KCNU1: variants seen among roughly 807,000 people sequenced by gnomAD.
The protein encoded by KCNU1 is potassium calcium-activated channel subfamily U member 1.
In KCNU1, 93 loss-of-function variants were observed where a neutral mutation model predicts 126.8. The observed-to-expected ratio is 0.73, with a 90% CI of 0.62 to 0.87. The LOEUF (loss-of-function observed/expected upper bound fraction) is 0.87, where lower values mean the gene tolerates loss of function less well. Among genes scored for constraint, KCNU1 ranks in the 40% least tolerant of loss-of-function variants. The pLI, the probability that KCNU1 is intolerant of heterozygous loss-of-function variation, is 0.00. For missense variants in KCNU1, 1,330 were observed against 1,367.1 expected (o/e 0.97, Z 0.43); for synonymous variants, 523 against 494.2 (o/e 1.06, Z -0.77).
At chr8:36,789,782 A>C (rs1475724980) in intron 2 of KCNU1, among the ~76,000 whole-genome samples, 2 of 152,254 alleles carry the variant, frequency 1.3e-5, no homozygotes, top group African/African-American at 4.8e-5. Context: ...GATAACAAAG[A>C]ATAAAGCAAT....
chr8:36,799,053 C>T (rs753880833), intron 2 of KCNU1, among the ~76,000 whole-genome samples: 32 of 152,244 alleles, frequency 2.1e-4, no homozygotes, highest in East Asian at 1.7e-3. Flanking sequence ...CCCCAGGCAC[C>T]GGGGTGCAGA....
At chr8:36,830,526 C>CT (rs1275034785) in intron 10 of KCNU1, among the ~76,000 whole-genome samples, 1 of 151,756 alleles carries the variant, frequency 6.6e-6, no homozygotes, top group Non-Finnish European at 1.5e-5. Flanking sequence ...ATTATTTTGT[C>CT]TTTTTTAGTA....
At chr8:36,932,152 AG>A (rs1278891157) in intron 25 of KCNU1, among the ~76,000 whole-genome samples, 2 of 152,130 alleles carry the variant, frequency 1.3e-5, no homozygotes, top group Non-Finnish European at 2.9e-5. Context: ...TTAGCATTTC[AG>A]GTGTAAACCA....
At position 36,840,991 on chromosome 8, in the gene KCNU1, C is replaced by T. The variant is rs370118448; in HGVS notation, c.1691C>T (p.Thr564Met). 31 of 1,577,352 alleles carry T rather than the reference C, an allele frequency of 2.0e-5. No individual in the cohort carries two copies. Among genetic ancestry groups the T allele is most frequent in the South Asian group, 4.4e-5 (4 of 90,338 alleles). ...GCCATCGAATACAAGTCCCTCTTTA[C>T]GGATGGTTTCTGGTACCAATAAGTC... ...LIAIEYKSLF[T>M]DGFCGLILNP... Residue 564 changes from threonine (T) to methionine (M), a missense_variant, in exon 16 of 27, where the codon ACG (threonine) becomes ATG (methionine). This residue lies in a region of KCNU1 where 1,054 missense variants were observed against 1,053.9 expected (regional missense o/e 1.00). Transcript: ENST00000399881.
Position 36,845,918 on chromosome 8 carries a change from T to C in KCNU1, c.1891+19T>C. On this transcript the variant is annotated intron_variant, in intron 18 of 26. Transcript: ENST00000399881. ...ATCACAGGTAATTGCACTTTATTTC[T>C]GGCTGTCCTTAGCCCAGCCTCTAGG... The C allele has an allele frequency of 1.3e-6, 2 of 1,485,870 alleles. No homozygotes were observed. Among genetic ancestry groups the C allele is most frequent in the South Asian group, 1.2e-5 (1 of 84,646 alleles). 92.0% of individuals were successfully genotyped at this position (1,485,870 alleles called of 1,614,324 possible).
chr8:36,797,654 G>A (rs1298318054), intron 2 of KCNU1, among the ~76,000 whole-genome samples: 1 of 148,964 alleles, frequency 6.7e-6, no homozygotes, highest in Non-Finnish European at 1.5e-5. Context: ...TTTTAAAGAA[G>A]TGCCCATATT....
Position 36,872,205 on chromosome 8 carries a change from C to A in KCNU1, c.2009+7684C>A, listed in dbSNP as rs371917475. On this transcript the variant is annotated intron_variant, in intron 19 of 26. Coordinates refer to ENST00000399881, the MANE Select transcript of KCNU1 (RefSeq NM_001031836.3). ...CAAAAACAGAAGAATAAAATATTAA[C>A]CCTTCTGGGGCAGCTTCCCTTTCAT... Among the ~76,000 whole-genome samples the A allele has an allele frequency of 4.8e-4, 73 of 152,236 alleles. No individual in the cohort carries two copies. The East Asian group carries it at 7.9e-3, about 17-fold the overall frequency.
intron 24 of KCNU1, among the ~76,000 whole-genome samples, chr8:36,929,347 G>T (rs1244133313): frequency 1.4e-5 from 2 of 140,986 alleles, no homozygotes; most frequent in Non-Finnish European, 3.0e-5. Flanking sequence ...TTGTGCCACT[G>T]CACTCTAGCC....
intron 8 of KCNU1, among the ~76,000 whole-genome samples, chr8:36,814,592 T>A (rs909298682): frequency 1.3e-5 from 2 of 152,176 alleles, no homozygotes; most frequent in Non-Finnish European, 2.9e-5. Context: ...GGATGAAGGA[T>A]AGTAGGCAAA....
intron 19 of KCNU1, 22 bp downstream of exon 19, chr8:36,864,543 G>C (rs755546101): frequency 5.0e-6 from 7 of 1,390,630 alleles, no homozygotes; most frequent in East Asian, 2.3e-5. Context: ...AGAGAACCCT[G>C]GTCTCCTATA....
intron 18 of KCNU1, among the ~76,000 whole-genome samples, chr8:36,861,640 G>T (rs2117327858): frequency 6.6e-6 from 1 of 152,208 alleles, no homozygotes; most frequent in East Asian, 1.9e-4. Context: ...ACAATGAGTG[G>T]TAAAGTACTA....
intron 19 of KCNU1, among the ~76,000 whole-genome samples, chr8:36,885,591 G>C (rs968418965): frequency 2.6e-5 from 4 of 151,872 alleles, no homozygotes; most frequent in African/African-American, 4.8e-5. Context: ...TCAGGAGTTC[G>C]AGACCAGCCT....
At chr8:36,922,333 A>G (rs1238041110) in intron 23 of KCNU1, among the ~76,000 whole-genome samples, 157 bp from the exon 24 acceptor site, 3 of 152,180 alleles carry the variant, frequency 2.0e-5, no homozygotes, top group Non-Finnish European at 4.4e-5. Context: ...AAGGAAAGAA[A>G]AAAAAAATGT....
chr8:36,884,372 G>A (rs543891809), intron 19 of KCNU1, among the ~76,000 whole-genome samples: 2 of 152,260 alleles, frequency 1.3e-5, no homozygotes, highest in African/African-American at 4.8e-5. Flanking sequence ...TGAAGCAAAT[G>A]TATTTAATTA....
intron 10 of KCNU1, among the ~76,000 whole-genome samples, chr8:36,819,297 A>T (rs1294347836): frequency 1.3e-5 from 2 of 152,138 alleles, no homozygotes; most frequent in Non-Finnish European, 2.9e-5. Context: ...TGAACTCATG[A>T]TCTTGTGTTC....
At position 36,840,927 on chromosome 8, in the gene KCNU1, C is replaced by A. The variant is rs757743160; in HGVS notation, c.1632-5C>A. The A allele has an allele frequency of 1.4e-5, 23 of 1,609,086 alleles. No homozygotes were observed. The highest frequency in any genetic ancestry group is 5.0e-5 in the Admixed American group (3 of 59,988). ...CTCCTTTTGACTCCTCGTCTTCCTT[C>A]CCAGGCTCTGCTTTCTGAAGATGCA... is the stretch of plus-strand genomic sequence containing the variant. On this transcript the variant is annotated splice_region_variant and splice_polypyrimidine_tract_variant and intron_variant, in intron 15 of 26. Coordinates refer to ENST00000399881, the MANE Select transcript of KCNU1 (RefSeq NM_001031836.3).
intron 18 of KCNU1, among the ~76,000 whole-genome samples, chr8:36,846,412 A>T (rs374688032): frequency 2.0e-5 from 3 of 152,250 alleles, no homozygotes; most frequent in East Asian, 3.9e-4. Flanking sequence ...ATTTTCTCTA[A>T]CTGAACTCAG....
chr8:36,880,658 G>A (rs549307260), intron 19 of KCNU1, among the ~76,000 whole-genome samples: 6 of 152,130 alleles, frequency 3.9e-5, no homozygotes, highest in African/African-American at 1.4e-4. Context: ...TGGAATCCCT[G>A]ACTGGCAGTC....
intron 18 of KCNU1, among the ~76,000 whole-genome samples, chr8:36,850,481 G>T: frequency 6.7e-6 from 1 of 148,370 alleles, no homozygotes; most frequent in African/African-American, 2.5e-5. Flanking sequence ...CTTTGGGACA[G>T]GGTCTCACTC....
Sources: allele counts gnomAD v4.1 joint callset (sites outside exome capture counted in the v4.1 genomes callset), GRCh38; gene constraint gnomAD v4.1.1; regional missense constraint gnomAD v4.1.1; transcripts MANE v1.5; gene names NCBI Gene and HGNC (gene_info 2026-07-23, HGNC 2026-07-21).